Variants in MEIKIN observed in about 807,000 individuals in gnomAD.
The protein encoded by MEIKIN is meiotic kinetochore factor, also known as meiosis-specific kinetochore protein.
In MEIKIN at chr5:131,822,561, A is replaced by G. The variant is rs184983308; in HGVS notation, c.976-3698T>C. Among the ~76,000 whole-genome samples the G allele has an allele frequency of 7.6e-3, 1,150 of 152,304 alleles. 4 individuals carry two copies. The highest frequency in any genetic ancestry group is 0.014 in the Middle Eastern group (4 of 294). On this transcript the variant is annotated intron_variant, in intron 11 of 12. Transcript: ENST00000442687. ...ACACTGCTTTCATAAACATTCAAAAATAATATTAAAACTCTATAACTTTGT... is the reference window on the plus strand; with the variant it reads ...ACACTGCTTTCATAAACATTCAAAAGTAATATTAAAACTCTATAACTTTGT...
At chr5:131,849,914 T>C (rs1750083055) in intron 11 of MEIKIN, among the ~76,000 whole-genome samples, 1 of 152,060 alleles carries the variant, frequency 6.6e-6, no homozygotes, top group Non-Finnish European at 1.5e-5. Flanking sequence ...ATGGTATCAC[T>C]GTGGAAAACC....
At chr5:131,882,014 A>G (rs578161882) in intron 8 of MEIKIN, among the ~76,000 whole-genome samples, 135 of 152,282 alleles carry the variant, frequency 8.9e-4, no homozygotes, top group African/African-American at 3.2e-3. Flanking sequence ...TCCCATCTCA[A>G]TAAATGGTAC....
At chr5:131,885,633 G>C (rs1750782654) in intron 8 of MEIKIN, among the ~76,000 whole-genome samples, 1 of 152,132 alleles carries the variant, frequency 6.6e-6, no homozygotes, top group Non-Finnish European at 1.5e-5. Flanking sequence ...TCAAATACCT[G>C]GAAAGTCTTC....
intron 9 of MEIKIN, among the ~76,000 whole-genome samples, chr5:131,862,605 G>A (rs1474898322): frequency 6.6e-6 from 1 of 151,938 alleles, no homozygotes; most frequent in Non-Finnish European, 1.5e-5. Context: ...CTTTTTTGAT[G>A]TAGGCATTTA....
At chr5:131,815,706 G>A (rs1267290909) in intron 12 of MEIKIN, among the ~76,000 whole-genome samples, 1 of 152,214 alleles carries the variant, frequency 6.6e-6, no homozygotes, top group African/African-American at 2.4e-5. Context: ...TGGAACACAG[G>A]AGATCTCTTA....
chr5:131,815,471 T>C (rs1021519647), intron 12 of MEIKIN, among the ~76,000 whole-genome samples: 11 of 152,246 alleles, frequency 7.2e-5, no homozygotes, highest in Admixed American at 7.2e-4. Flanking sequence ...TTATTCTTCC[T>C]GTTCTCATAA....
chr5:131,832,021 A>T, intron 11 of MEIKIN, among the ~76,000 whole-genome samples: 1 of 151,830 alleles, frequency 6.6e-6, no homozygotes, highest in African/African-American at 2.4e-5. Context: ...GCCCCTCCAA[A>T]TCTCATGTCC....
intron 8 of MEIKIN, among the ~76,000 whole-genome samples, chr5:131,891,316 T>G (rs751036996): frequency 4.9e-4 from 74 of 152,254 alleles, no homozygotes; most frequent in Middle Eastern, 3.4e-3. Context: ...TGTCAGTGGG[T>G]TGTTAAAGTC....
At chr5:131,890,942 A>G (rs1196003953) in intron 8 of MEIKIN, among the ~76,000 whole-genome samples, 1 of 152,228 alleles carries the variant, frequency 6.6e-6, no homozygotes, top group Non-Finnish European at 1.5e-5. Flanking sequence ...GTTTCAAAGA[A>G]CATCTTTATT....
intron 5 of MEIKIN, among the ~76,000 whole-genome samples, chr5:131,927,790 G>A (rs1239512487): frequency 1.3e-5 from 2 of 151,850 alleles, no homozygotes; most frequent in Non-Finnish European, 2.9e-5. Context: ...CTCTCTTTTG[G>A]TTACCATTTG....
chr5:131,835,954 A>G (rs1419428414), intron 11 of MEIKIN, among the ~76,000 whole-genome samples: 1 of 151,922 alleles, frequency 6.6e-6, no homozygotes, highest in Non-Finnish European at 1.5e-5. Context: ...TATTAGGTAA[A>G]CCCATATCAT....
chr5:131,942,825 T>C (rs7706750), intron 3 of MEIKIN, 130 bp from the exon 4 acceptor site: 19,128 of 373,044 alleles, frequency 0.051, 1,161 homozygotes, highest in African/African-American at 0.2. Context: ...ATATAATACA[T>C]TCATTCAGTT....
intron 11 of MEIKIN, among the ~76,000 whole-genome samples, chr5:131,835,961 T>A (rs188335230): frequency 1.3e-5 from 2 of 152,174 alleles, no homozygotes; most frequent in East Asian, 1.9e-4. Flanking sequence ...TAAACCCATA[T>A]CATGGGGGTT....
chr5:131,891,273 G>C (rs976743773), intron 8 of MEIKIN, among the ~76,000 whole-genome samples: 1 of 152,170 alleles, frequency 6.6e-6, no homozygotes, highest in Non-Finnish European at 1.5e-5. Context: ...GTATGTCCTT[G>C]TTAACTTTCT....
intron 5 of MEIKIN, 58 bp downstream of exon 5, chr5:131,933,455 G>A: frequency 2.5e-6 from 1 of 393,548 alleles, no homozygotes; most frequent in East Asian, 3.6e-5. Context: ...TGGAGGATTT[G>A]TGGACAAAAG....
At chr5:131,943,910 G>A (rs1282762282) in intron 3 of MEIKIN, among the ~76,000 whole-genome samples, 1 of 152,094 alleles carries the variant, frequency 6.6e-6, no homozygotes, top group Non-Finnish European at 1.5e-5. Flanking sequence ...TTGAGGTCAG[G>A]AGTTCGAGAC....
At chr5:131,890,036 C>A (rs567768183) in intron 8 of MEIKIN, among the ~76,000 whole-genome samples, 1 of 152,156 alleles carries the variant, frequency 6.6e-6, no homozygotes, top group Non-Finnish European at 1.5e-5. Flanking sequence ...GTATGTTGAA[C>A]CAGCCCTGCA....
chr5:131,905,102 A>T (rs534872968), intron 8 of MEIKIN, among the ~76,000 whole-genome samples: 2 of 152,306 alleles, frequency 1.3e-5, no homozygotes, highest in Non-Finnish European at 2.9e-5. Flanking sequence ...CACGTTCTGC[A>T]CATGTATCCC....
chr5:131,813,429 CTT>C (rs70974017), intron 12 of MEIKIN, among the ~76,000 whole-genome samples: 8 of 140,612 alleles, frequency 5.7e-5, no homozygotes, highest in Admixed American at 1.4e-4. Flanking sequence ...TAACTATATT[CTT>C]TTTTTTTTTT....
Sources: allele counts gnomAD v4.1 joint callset (sites outside exome capture counted in the v4.1 genomes callset), GRCh38; gene constraint gnomAD v4.1.1; transcripts MANE v1.5; gene names NCBI Gene and HGNC (gene_info 2026-07-23, HGNC 2026-07-21).